Variants in HTR2C observed in about 807,000 individuals in gnomAD.
HTR2C encodes the protein 5-hydroxytryptamine (serotonin) receptor 2C, G protein-coupled.
Under a neutral mutation model 21.0 loss-of-function variants are expected in HTR2C, and 5 were observed. The ratio of observed to expected loss-of-function variants is 0.24; its 90% confidence interval spans 0.12 to 0.50. The LOEUF is 0.50. Ranked by LOEUF, HTR2C falls within the 20% of genes least tolerant of loss-of-function variation. HTR2C has a pLI of 0.98. For synonymous variants in HTR2C, 150 were observed against 145.3 expected (o/e 1.03, Z -0.23); for missense variants, 271 against 371.2 (o/e 0.73, Z 2.22).
chrX:114,834,835 G>A (rs1218462887), intron 4 of HTR2C, among the ~76,000 whole-genome samples: 6 of 108,794 alleles, frequency 5.5e-5, no homozygotes, highest in South Asian at 4.1e-4. Flanking sequence ...ATTTTGCAGC[G>A]GCTGGTACCA....
At chrX:114,701,377 A>G (rs1368665563) in intron 2 of HTR2C, among the ~76,000 whole-genome samples, 18 of 111,061 alleles carry the variant, frequency 1.6e-4, no homozygotes, top group African/African-American at 5.9e-4. Context: ...CCAGAGGAAC[A>G]ATCAGACAGC....
At chrX:114,682,958 T>C (rs1556413703) in intron 2 of HTR2C, among the ~76,000 whole-genome samples, 1 of 111,807 alleles carries the variant, frequency 8.9e-6, no homozygotes, top group East Asian at 2.8e-4. Flanking sequence ...ATTCCCTTTC[T>C]GCCAAATTGG....
chrX:114,683,101 G>A (rs782692461), intron 2 of HTR2C, among the ~76,000 whole-genome samples: 2 of 111,561 alleles, frequency 1.8e-5, no homozygotes, highest in East Asian at 2.9e-4. Context: ...TGTCACTCTT[G>A]GAAGCCTAAT....
chrX:114,724,115 G>A (rs1458205317), intron 2 of HTR2C, among the ~76,000 whole-genome samples: 5 of 105,795 alleles, frequency 4.7e-5, no homozygotes, highest in African/African-American at 1.7e-4. Flanking sequence ...TGACAGTGGG[G>A]TGTTAAAGTC....
intron 5 of HTR2C, among the ~76,000 whole-genome samples, chrX:114,860,169 A>G (rs1569500604): frequency 9.0e-6 from 1 of 111,529 alleles, no homozygotes; most frequent in Non-Finnish European, 1.9e-5. Flanking sequence ...GTGTTTTGTA[A>G]CTTTTCTATG....
rs1270872531 is a variant in HTR2C, at chrX:114,776,202, C to T, written c.349+44595C>T. 9.0e-6 allele frequency: 5 copies of T among 556,774 alleles called. No homozygotes were observed. The Admixed American group carries it at 1.1e-4, about 13-fold the overall frequency. 45.9% of individuals were successfully genotyped at this position (556,774 alleles called of 1,213,427 possible). On this transcript the variant is annotated intron_variant, in intron 4 of 5. Coordinates refer to ENST00000276198, the MANE Select transcript of HTR2C (RefSeq NM_000868.4). ...AGGTCAAAGATAAACACATTTCTTT[C>T]AGCTCCAACCTTTTTGTCTAAGCCG... is the stretch of plus-strand genomic sequence containing the variant.
At chrX:114,719,191 A>G (rs1556420288) in intron 2 of HTR2C, among the ~76,000 whole-genome samples, 1 of 109,478 alleles carries the variant, frequency 9.1e-6, no homozygotes, top group Non-Finnish European at 1.9e-5. Context: ...TACAAAACAC[A>G]ATCCTTCACA....
intron 2 of HTR2C, among the ~76,000 whole-genome samples, chrX:114,636,813 A>C (rs1929858987): frequency 8.9e-6 from 1 of 112,329 alleles, no homozygotes; most frequent in Admixed American, 9.5e-5. Context: ...ATGAAAACTA[A>C]AAGTAGGAAA....
rs782472175 is a variant in HTR2C, at chrX:114,895,698, T to A, written c.551-10891T>A. Among the ~76,000 whole-genome samples, 4 of 111,959 alleles carry A rather than the reference T, an allele frequency of 3.6e-5. No homozygotes were observed. The South Asian group carries it at 1.5e-3, about 41-fold the overall frequency. ...GAATATTGACATTTAGTGTTAAAAT[T>A]TCTTCCAGGCTGGGTGTGGTGGCTC... On this transcript the variant is annotated intron_variant, in intron 5 of 5. Coordinates refer to ENST00000276198, the MANE Select transcript of HTR2C (RefSeq NM_000868.4).
At position 114,629,845 on chromosome X, in the gene HTR2C, C is replaced by T. The variant is rs781949394; in HGVS notation, c.-80+15964C>T. The stretch of plus-strand genomic sequence containing the variant: ...TCATTTGGTAAGGCAGCATACCAGG[C>T]TAGGACAAAAGTCAAGGGGGTATAG... On this transcript the variant is annotated intron_variant, in intron 2 of 5. Transcript: ENST00000276198. Among the ~76,000 whole-genome samples, 8 of 110,672 alleles carry T rather than the reference C, an allele frequency of 7.2e-5. No homozygotes were observed. The East Asian group carries it at 2.3e-3, about 31-fold the overall frequency.
chrX:114,718,869 C>T (rs1933074029), intron 2 of HTR2C, among the ~76,000 whole-genome samples: 1 of 102,999 alleles, frequency 9.7e-6, no homozygotes, highest in Non-Finnish European at 1.9e-5. Flanking sequence ...AACACAGAAA[C>T]ACACAAATGT....
intron 2 of HTR2C, among the ~76,000 whole-genome samples, chrX:114,712,153 G>A (rs1298620864): frequency 1.8e-5 from 2 of 111,884 alleles, no homozygotes; most frequent in South Asian, 3.7e-4. Context: ...GTTTTGAAAA[G>A]TAAAGCATTA....
chrX:114,903,533 A>T (rs1422057230), intron 5 of HTR2C, among the ~76,000 whole-genome samples: 2 of 112,399 alleles, frequency 1.8e-5, no homozygotes, highest in Non-Finnish European at 3.8e-5. Context: ...AATTGGCCTC[A>T]TCTACCCAAT....
At chrX:114,887,595 T>G (rs1345113826) in intron 5 of HTR2C, among the ~76,000 whole-genome samples, 1 of 111,618 alleles carries the variant, frequency 9.0e-6, no homozygotes, top group Admixed American at 9.6e-5. Context: ...TCAGGGAATG[T>G]GCTTATGTTG....
At chrX:114,690,906 T>A (rs2147860576) in intron 2 of HTR2C, among the ~76,000 whole-genome samples, 1 of 111,531 alleles carries the variant, frequency 9.0e-6, no homozygotes, top group Non-Finnish European at 1.9e-5. Flanking sequence ...TCGCATCCTA[T>A]TTATGGATGA....
Position 114,591,682 on chromosome X carries a change from A to T in HTR2C, c.-147+7023A>T, listed in dbSNP as rs1002216347. Among the ~76,000 whole-genome samples, 16 of 112,001 alleles carry T rather than the reference A, an allele frequency of 1.4e-4. No individual in the cohort carries two copies. In the Admixed American group the frequency reaches 1.5e-3, roughly 11 times the overall value. Reference sequence around the variant, plus strand: ...CAAATTAGTGAACTGTAAGATGAAGATGAATAAAGAAAAGCCTGTAAGAAT... The same window carrying T: ...CAAATTAGTGAACTGTAAGATGAAGTTGAATAAAGAAAAGCCTGTAAGAAT... On this transcript the variant is annotated intron_variant, in intron 1 of 5. Coordinates refer to ENST00000276198, the MANE Select transcript of HTR2C (RefSeq NM_000868.4).
chrX:114,886,179 T>TG (rs2071218961), intron 5 of HTR2C, among the ~76,000 whole-genome samples: 1 of 111,396 alleles, frequency 9.0e-6, no homozygotes, highest in African/African-American at 3.3e-5. Context: ...AGCTCTCTTG[T>TG]GGTTGCTCTT....
At chrX:114,643,979 TAG>T (rs1930233258) in intron 2 of HTR2C, among the ~76,000 whole-genome samples, 1 of 110,581 alleles carries the variant, frequency 9.0e-6, no homozygotes, top group Non-Finnish European at 1.9e-5. Flanking sequence ...CCTAAGTAAA[TAG>T]AGTGTTCAAA....
At chrX:114,824,136 A>G (rs2070659246) in intron 4 of HTR2C, among the ~76,000 whole-genome samples, 1 of 111,835 alleles carries the variant, frequency 8.9e-6, no homozygotes, top group Non-Finnish European at 1.9e-5. Flanking sequence ...AGTTACAAGG[A>G]AGTAGGTGTG....
Sources: gnomAD v4.1 joint callset for allele counts (sites outside exome capture counted in the v4.1 genomes callset) on GRCh38, gnomAD v4.1.1 for gene constraint, MANE v1.5 for transcripts, NCBI Gene and HGNC (gene_info 2026-07-23, HGNC 2026-07-21) for gene names.